ANKRD27: variants seen among roughly 807,000 people sequenced by gnomAD.
The protein encoded by ANKRD27 is ankyrin repeat domain 27, also known as ankyrin repeat domain-containing protein 27.
ANKRD27 carries 112 observed loss-of-function variants against 129.7 expected under a neutral mutation model. That is an observed-to-expected ratio of 0.86 (90% CI 0.74 to 1.01). The LOEUF is 1.01. Among genes scored for constraint, ANKRD27 ranks in the 50% least tolerant of loss-of-function variants. ANKRD27 has a pLI of 0.00. For synonymous variants in ANKRD27, 516 were observed against 511.2 expected (o/e 1.01, Z -0.13); for missense variants, 1,258 against 1,300.5 (o/e 0.97, Z 0.50).
intron 17 of ANKRD27, among the ~76,000 whole-genome samples, 153 bp from the exon 18 acceptor site, chr19:32,622,772 ATTTTT>A (rs11413532): frequency 1.4e-5 from 2 of 147,472 alleles, no homozygotes; most frequent in Non-Finnish European, 1.5e-5. Context: ...ATTCTCATTC[ATTTTT>A]TTTTTCTTTT....
Position 32,665,322 on chromosome 19 carries a change from C to A in ANKRD27, c.-30-6277G>T, listed in dbSNP as rs548147489. 4.0e-5 allele frequency among the ~76,000 whole-genome samples: 6 copies of A among 148,326 alleles called. No individual in the cohort carries two copies. The East Asian group carries it at 1.2e-3, about 29-fold the overall frequency. On this transcript the variant is annotated intron_variant, in intron 1 of 28. Coordinates refer to ENST00000306065, the MANE Select transcript of ANKRD27 (RefSeq NM_032139.3). ...TTTTTTTTTTTGAGACAGAGTCTCG[C>A]TCTCTCACCCACACTAAAGTGCAGT...
intron 17 of ANKRD27, among the ~76,000 whole-genome samples, chr19:32,624,094 C>T (rs923033825): frequency 6.6e-6 from 1 of 152,020 alleles, no homozygotes; most frequent in Non-Finnish European, 1.5e-5. Flanking sequence ...TGGCCAGGCA[C>T]GGTGGCTCAC....
chr19:32,649,563 G>A, intron 3 of ANKRD27, 119 bp downstream of exon 3: 3 of 749,110 alleles, frequency 4.0e-6, no homozygotes, highest in Admixed American at 2.0e-5. Context: ...GGGCTGCAGT[G>A]TGTGTCAAAT....
rs905567994 is a variant in ANKRD27, at chr19:32,658,280, C to A, written c.102+634G>T. 2.6e-5 allele frequency among the ~76,000 whole-genome samples: 4 copies of A among 152,212 alleles called. No individual in the cohort carries two copies. The East Asian group carries it at 7.7e-4, about 29-fold the overall frequency. On this transcript the variant is annotated intron_variant, in intron 2 of 28. Transcript: ENST00000306065. ...CTAAGTAGGATGCCCGCCAAGTTCA[C>A]TGACCTGAGAACTGGAAAGACCCAC...
intron 13 of ANKRD27, among the ~76,000 whole-genome samples, chr19:32,629,266 G>T (rs1057429112): frequency 6.6e-6 from 1 of 152,140 alleles, no homozygotes; most frequent in Non-Finnish European, 1.5e-5. Context: ...TGGATGAAAT[G>T]ATTTGCACTC....
At chr19:32,607,582 T>C in intron 23 of ANKRD27, 53 bp downstream of exon 23, 1 of 1,576,160 alleles carries the variant, frequency 6.3e-7, no homozygotes, top group Non-Finnish European at 8.6e-7. Context: ...AAGCACAAGG[T>C]CCTAGCCCAA....
At chr19:32,600,393 T>C (rs1971634124) in intron 26 of ANKRD27, 2 of 190,796 alleles carry the variant, frequency 1.0e-5, no homozygotes, top group East Asian at 1.2e-4. Flanking sequence ...TACAAAAACT[T>C]AGCCAGGCGT....
intron 2 of ANKRD27, among the ~76,000 whole-genome samples, chr19:32,651,703 C>G (rs759369292): frequency 3.9e-5 from 6 of 152,130 alleles, no homozygotes; most frequent in Admixed American, 6.6e-5. Flanking sequence ...CCTCAGAGAA[C>G]TCTGCCCCAC....
intron 1 of ANKRD27, chr19:32,666,168 T>C (rs191329685): frequency 2.0e-5 from 3 of 152,376 alleles, no homozygotes; most frequent in African/African-American, 4.8e-5. Flanking sequence ...ATACGACTTT[T>C]ATTAGACTAT....
At position 32,622,479 on chromosome 19, in the gene ANKRD27, G is replaced by T. The variant is rs191085524; in HGVS notation, c.1770C>A (p.Ser590=). The T allele has an allele frequency of 4.3e-6, 7 of 1,613,870 alleles. No individual in the cohort carries two copies. In the East Asian group the frequency reaches 1.6e-4, roughly 36 times the overall value. The change falls in exon 18 of 29, where the codon TCC becomes TCA. Residue 590 remains serine, a synonymous_variant. Transcript: ENST00000306065. ...CCTTCAGTCTGTTCTGGATCTCGGT[G>T]GACGCTCCGTTCTGCAGCAATGTCT... ...VIETLLQNGA[S]TEIQNRLKET... is the part of the protein sequence containing the mutation.
chr19:32,618,451 G>GAAAAAAA (rs55674756), intron 20 of ANKRD27, among the ~76,000 whole-genome samples: 1 of 100,296 alleles, frequency 1.0e-5, no homozygotes. Flanking sequence ...GTCCCAAAAA[G>GAAAAAAA]AAAAAAAAAA....
chr19:32,670,566 C>T (rs1339779113), intron 1 of ANKRD27, among the ~76,000 whole-genome samples: 4 of 151,626 alleles, frequency 2.6e-5, no homozygotes. Flanking sequence ...CCCAGGTACT[C>T]AGGAAGCTGA....
chr19:32,635,462 T>G (rs576512259), intron 12 of ANKRD27, among the ~76,000 whole-genome samples: 1 of 152,220 alleles, frequency 6.6e-6, no homozygotes, highest in South Asian at 2.1e-4. Context: ...ACACACGCAT[T>G]CTTTTTTATT....
chr19:32,661,019 G>A (rs1235306896), intron 1 of ANKRD27, among the ~76,000 whole-genome samples: 5 of 151,192 alleles, frequency 3.3e-5, no homozygotes, highest in African/African-American at 9.8e-5. Context: ...GCAACATAGC[G>A]AGACCCCATC....
chr19:32,671,927 G>T (rs1967878080), intron 1 of ANKRD27, among the ~76,000 whole-genome samples: 1 of 152,194 alleles, frequency 6.6e-6, no homozygotes. Context: ...TCTATGAACA[G>T]GAGAGCCATG....
At chr19:32,646,358 C>A in intron 4 of ANKRD27, 101 bp downstream of exon 4, 1 of 1,246,680 alleles carries the variant, frequency 8.0e-7, no homozygotes. Flanking sequence ...CGCGAGCCAC[C>A]ATACCCGGCC....
chr19:32,615,508 C>T, intron 22 of ANKRD27, 150 bp downstream of exon 22: 1 of 1,225,136 alleles, frequency 8.2e-7, no homozygotes, highest in Non-Finnish European at 1.2e-6. Context: ...CATTTGAGCC[C>T]AGGCGGTTGA....
chr19:32,609,017 G>T (rs951437735), intron 22 of ANKRD27, among the ~76,000 whole-genome samples: 4 of 151,920 alleles, frequency 2.6e-5, no homozygotes, highest in Non-Finnish European at 5.9e-5. Context: ...ACAGGCGTGT[G>T]CCACCACACC....
chr19:32,664,835 G>A (rs558869019), intron 1 of ANKRD27, among the ~76,000 whole-genome samples: 12 of 144,730 alleles, frequency 8.3e-5, no homozygotes, highest in Non-Finnish European at 8.9e-5. Context: ...CAGGAGAATC[G>A]CTTGAGCCCA....
Sources: allele counts gnomAD v4.1 joint callset (sites outside exome capture counted in the v4.1 genomes callset), GRCh38; gene constraint gnomAD v4.1.1; transcripts MANE v1.5; gene names NCBI Gene and HGNC (gene_info 2026-07-23, HGNC 2026-07-21).